The following KCNQ1OT1 variants were observed in gnomAD, a reference collection of about 807,000 sequenced individuals.
KCNQ1OT1 encodes the protein KCNQ1 antisense RNA 2 (non-protein coding).
exon 1 of KCNQ1OT1, chr11:2,697,593 T>G: frequency 2.5e-6 from 1 of 398,610 alleles, no homozygotes; most frequent in Non-Finnish European, 4.4e-6. Flanking sequence ...GCGTTAAACT[T>G]TATCACATCA....
At chr11:2,633,537 AT>A (rs891001659) in exon 1 of KCNQ1OT1, 2 of 398,406 alleles carry the variant, frequency 5.0e-6, no homozygotes. Context: ...TTTTGAGTTG[AT>A]TTTTTTATAT....
exon 1 of KCNQ1OT1, chr11:2,644,343 C>G: frequency 2.5e-6 from 1 of 398,186 alleles, no homozygotes. Context: ...ATTCTTTCTT[C>G]TGCTTGTTGT....
exon 1 of KCNQ1OT1, chr11:2,694,246 G>C: frequency 2.5e-6 from 1 of 398,676 alleles, no homozygotes. Context: ...ATGCAAGCCA[G>C]GGCCTGCTGC....
exon 1 of KCNQ1OT1, chr11:2,680,815 T>G: frequency 4.4e-6 from 1 of 228,584 alleles, no homozygotes. Flanking sequence ...TGGAACCACA[T>G]AGCAAATCAC....
rs1446749887 is a variant in KCNQ1OT1, at chr11:2,691,115, G to A, written n.8880C>T. On this transcript the variant is annotated non_coding_transcript_exon_variant, in exon 1 of 1. Coordinates refer to ENST00000597346, the Ensembl canonical transcript of KCNQ1OT1. The surrounding 1 kb of genome is among the most constrained non-coding windows in gnomAD (Gnocchi z 6.4). ...GATTCCTGACAACAGTAGGGGTGGAGGCTGTGCAGACCTGGTGCAGAGTCT... is the reference window on the plus strand; with the variant it reads ...GATTCCTGACAACAGTAGGGGTGGAAGCTGTGCAGACCTGGTGCAGAGTCT... The A allele has an allele frequency of 5.0e-6, 2 of 398,566 alleles. No individual in the cohort carries two copies. Among genetic ancestry groups the A allele is most frequent in the African/African-American group, 4.1e-5 (2 of 48,632 alleles). 24.7% of individuals were successfully genotyped at this position (398,566 alleles called of 1,614,324 possible). A position where few individuals can be genotyped will look rare whatever the true frequency, so the allele number is the denominator to read the frequency against.
chr11:2,640,236 C>G, exon 1 of KCNQ1OT1: 1 of 395,996 alleles, frequency 2.5e-6, no homozygotes, highest in African/African-American at 2.1e-5. Context: ...TCTTGACGAG[C>G]CCCAGTGAGA....
At chr11:2,684,997 C>T in exon 1 of KCNQ1OT1, 2 of 398,666 alleles carry the variant, frequency 5.0e-6, no homozygotes, top group South Asian at 2.5e-4. Context: ...GGTTGCTTTT[C>T]ATTCATATCT....
At chr11:2,646,411 T>G in exon 1 of KCNQ1OT1, 1 of 398,654 alleles carries the variant, frequency 2.5e-6, no homozygotes, top group Non-Finnish European at 4.4e-6. Flanking sequence ...ATTGTGGAAA[T>G]CTTTCACCTC....
exon 1 of KCNQ1OT1, chr11:2,614,537 C>T (rs1023702494): frequency 2.3e-5 from 9 of 398,312 alleles, no homozygotes; most frequent in African/African-American, 1.6e-4. Flanking sequence ...GTCTCTGATA[C>T]ATTTTGAGAT....
At position 2,608,411 on chromosome 11, in the gene KCNQ1OT1, T is replaced by C. The variant is rs1848916183; in HGVS notation, n.91584A>G. 5.0e-6 allele frequency: 2 copies of C among 398,540 alleles called. No individual in the cohort carries two copies. The highest frequency in any genetic ancestry group is 8.8e-6 in the Non-Finnish European group (2 of 226,074). 24.7% of individuals were successfully genotyped at this position (398,540 alleles called of 1,614,324 possible). On this transcript the variant is annotated non_coding_transcript_exon_variant, in exon 1 of 1. Coordinates refer to ENST00000597346, the Ensembl canonical transcript of KCNQ1OT1. This position sits in a 1 kb window ranked among gnomAD's most constrained non-coding sequence, Gnocchi z 4.6. ...TAATTTATTGGCACAAAATTGTTCA[T>C]AGTGTTCCTTCATAATCCTTTTTAT...
In KCNQ1OT1 at chr11:2,670,422, G is replaced by T. The variant is rs1850162339; in HGVS notation, n.29573C>A. 1 of 398,150 alleles carries T rather than the reference G, an allele frequency of 2.5e-6. No individual in the cohort carries two copies. Among genetic ancestry groups the T allele is most frequent in the Non-Finnish European group, 4.4e-6 (1 of 225,990 alleles). The allele number at this position is 398,150 out of a possible 1,614,324, so 24.7% of individuals were successfully genotyped here. On this transcript the variant is annotated non_coding_transcript_exon_variant, in exon 1 of 1. Coordinates refer to ENST00000597346, the Ensembl canonical transcript of KCNQ1OT1. The surrounding 1 kb of genome is among the most constrained non-coding windows in gnomAD (Gnocchi z 4.9). ...TACTATGTGTATTTCTTGTGTTGGG[G>T]TTAGGAGATACTGCTGTTGGCTGAG...
In KCNQ1OT1 at chr11:2,663,252, T is replaced by C. The variant is rs1590016259; in HGVS notation, n.36743A>G. On this transcript the variant is annotated non_coding_transcript_exon_variant, in exon 1 of 1. Transcript: ENST00000597346. The surrounding 1 kb of genome is among the most constrained non-coding windows in gnomAD (Gnocchi z 5.2). ...CCAGCAGATCACTGGAAAGCAGGGG[T>C]GACTAGTCATGGACACCCTGAGAAT... is the stretch of plus-strand genomic sequence containing the variant. The C allele has an allele frequency of 2.5e-6, 1 of 398,216 alleles. No individual in the cohort carries two copies. Among genetic ancestry groups the C allele is most frequent in the African/African-American group, 2.1e-5 (1 of 48,484 alleles). 24.7% of individuals were successfully genotyped at this position (398,216 alleles called of 1,614,324 possible).
chr11:2,677,246 G>T lies in KCNQ1OT1; in HGVS notation n.22749C>A. ...AAAGACAATATAAAGCACACACAAA[G>T]TAAAGAGGAACTTATAAAGAGGAAC... On this transcript the variant is annotated non_coding_transcript_exon_variant, in exon 1 of 1. Transcript: ENST00000597346. This position sits in a 1 kb window ranked among gnomAD's most constrained non-coding sequence, Gnocchi z 4.5. The T allele has an allele frequency of 2.5e-6, 1 of 398,532 alleles. No individual in the cohort carries two copies. The highest frequency in any genetic ancestry group is 4.4e-6 in the Non-Finnish European group (1 of 226,044). 24.7% of individuals were successfully genotyped at this position (398,532 alleles called of 1,614,324 possible).
Position 2,691,687 on chromosome 11 carries a change from G to C in KCNQ1OT1, n.8308C>G, listed in dbSNP as rs946399278. On this transcript the variant is annotated non_coding_transcript_exon_variant, in exon 1 of 1. Transcript: ENST00000597346. This position sits in a 1 kb window ranked among gnomAD's most constrained non-coding sequence, Gnocchi z 6.4. ...AAACAGAGAACCAGGTGGGGAAGGG[G>C]TCTCTCCCCATCTGTCCAGGGGAGA... 5.0e-6 allele frequency: 2 copies of C among 398,520 alleles called. No homozygotes were observed. The highest frequency in any genetic ancestry group is 4.4e-6 in the Non-Finnish European group (1 of 226,066). The allele number at this position is 398,520 out of a possible 1,614,324, so 24.7% of individuals were successfully genotyped here.
At chr11:2,699,904 C>T (rs1850764605) in exon 1 of KCNQ1OT1, 1 of 398,054 alleles carries the variant, frequency 2.5e-6, no homozygotes, top group South Asian at 1.3e-4. Context: ...CTGAGAGGCA[C>T]CCCGGCAGAA....
Position 2,663,926 on chromosome 11 carries a change from T to C in KCNQ1OT1, n.36069A>G. On this transcript the variant is annotated non_coding_transcript_exon_variant, in exon 1 of 1. Coordinates refer to ENST00000597346, the Ensembl canonical transcript of KCNQ1OT1. The surrounding 1 kb of genome is among the most constrained non-coding windows in gnomAD (Gnocchi z 5.2). The stretch of plus-strand genomic sequence containing the variant: ...GTGTCATCTAGGACACTGGGCTGTT[T>C]CTTGTTCCACTCCAGGATGACAGGG... 1 of 398,696 alleles carries C rather than the reference T, an allele frequency of 2.5e-6. No individual in the cohort carries two copies. Among genetic ancestry groups the C allele is most frequent in the Non-Finnish European group, 4.4e-6 (1 of 226,102 alleles). The allele number at this position is 398,696 out of a possible 1,614,324, so 24.7% of individuals were successfully genotyped here.
exon 1 of KCNQ1OT1, chr11:2,640,663 C>A (rs1175324090): frequency 5.0e-6 from 2 of 398,200 alleles, no homozygotes; most frequent in Non-Finnish European, 8.8e-6. Flanking sequence ...ATCCATCACC[C>A]TCAATTTATC....
exon 1 of KCNQ1OT1, chr11:2,625,250 G>C: frequency 2.5e-6 from 1 of 398,610 alleles, no homozygotes; most frequent in Non-Finnish European, 4.4e-6. Context: ...GTTATTTTCT[G>C]TTTATGTGGG....
At position 2,657,670 on chromosome 11, in the gene KCNQ1OT1, T is replaced by C; in HGVS notation, n.42325A>G. On this transcript the variant is annotated non_coding_transcript_exon_variant, in exon 1 of 1. Coordinates refer to ENST00000597346, the Ensembl canonical transcript of KCNQ1OT1. This position sits in a 1 kb window ranked among gnomAD's most constrained non-coding sequence, Gnocchi z 4.8. ...ATTTGGATTTCCCCAGTTTAACTACTAATGTCCTTTTTCTGTTCCAAGATC... is the reference window on the plus strand; with the variant it reads ...ATTTGGATTTCCCCAGTTTAACTACCAATGTCCTTTTTCTGTTCCAAGATC... 1 of 398,656 alleles carries C rather than the reference T, an allele frequency of 2.5e-6. No individual in the cohort carries two copies. The highest frequency in any genetic ancestry group is 4.4e-6 in the Non-Finnish European group (1 of 226,068). 24.7% of individuals were successfully genotyped at this position (398,656 alleles called of 1,614,324 possible).
Sources: allele counts gnomAD v4.1 joint callset, GRCh38; gene constraint gnomAD v4.1.1; non-coding constraint Gnocchi (gnomAD v3.1); transcripts MANE v1.5; gene names NCBI Gene and HGNC (gene_info 2026-07-23, HGNC 2026-07-21).